Variants in ALDH3A1 observed in about 807,000 individuals in gnomAD.
The protein encoded by ALDH3A1 is aldehyde dehydrogenase, dimeric NADP-preferring.
Under a neutral mutation model 49.9 loss-of-function variants are expected in ALDH3A1, and 46 were observed. The ratio of observed to expected loss-of-function variants is 0.92; its 90% confidence interval spans 0.73 to 1.18. The LOEUF (loss-of-function observed/expected upper bound fraction) is 1.18. Among genes scored for constraint, ALDH3A1 ranks in the 50% most tolerant of loss-of-function variants. The probability of loss-of-function intolerance (pLI) is 0.00; values close to 1 mark genes in which losing one functional copy is unlikely to be tolerated. For synonymous variants in ALDH3A1, 269 were observed against 253.3 expected (o/e 1.06, Z -0.59); for missense variants, 592 against 611.8 (o/e 0.97, Z 0.34).
chr17:19,742,932 G>T, intron 3 of ALDH3A1: 2 of 1,525,020 alleles, frequency 1.3e-6, no homozygotes, highest in Non-Finnish European at 1.8e-6. Context: ...GTAGAACAGC[G>T]CTGGCCCATT....
chr17:19,740,187 G>A (rs2086464004), intron 7 of ALDH3A1, 149 bp downstream of exon 7: 1 of 1,003,610 alleles, frequency 1.0e-6, no homozygotes, highest in Non-Finnish European at 1.4e-6. Context: ...CCTGCCTGCT[G>A]GAGTCTACCG....
chr17:19,745,921 G>A (rs1457356275), intron 1 of ALDH3A1, among the ~76,000 whole-genome samples: 1 of 152,206 alleles, frequency 6.6e-6, no homozygotes, highest in Non-Finnish European at 1.5e-5. Flanking sequence ...GGGAAGTATT[G>A]TAAACATCCC....
intron 3 of ALDH3A1, 94 bp from the exon 4 acceptor site, chr17:19,742,724 G>A: frequency 6.3e-7 from 1 of 1,594,244 alleles, no homozygotes. Context: ...CCTCCATTGT[G>A]TGTCCTCGGG....
At position 19,743,460 on chromosome 17, in the gene ALDH3A1, C is replaced by A. The variant is rs778654435; in HGVS notation, c.166G>T (p.Glu56Ter). Residue 56 changes from glutamate (E) to a stop codon, truncating the protein, a stop_gained, in exon 3 of 11, where the codon GAA becomes TAA. Transcript: ENST00000225740. LOFTEE classifies it high-confidence loss of function. This position sits in a 1 kb window ranked among gnomAD's most constrained non-coding sequence, Gnocchi z 4.4. ...GALAADLHKN[E>*]WNAYYEEVVY... ...ACCTCCTCATAGTAGGCGTTCCATT[C>A]ATTCTGCAGCGACAGAGCCGGAGTG... 10 of 1,592,776 alleles carry A rather than the reference C, an allele frequency of 6.3e-6. No homozygotes were observed. Among genetic ancestry groups the A allele is most frequent in the Non-Finnish European group, 8.6e-6 (10 of 1,167,184 alleles).
intron 2 of ALDH3A1, 56 bp downstream of exon 2, chr17:19,744,912 C>CCCCCCCCCA: frequency 6.2e-6 from 7 of 1,133,134 alleles, no homozygotes; most frequent in African/African-American, 1.7e-5. Context: ...CCCCTCCCCC[C>CCCCCCCCCA]ACGCCCCATC....
At chr17:19,739,176 G>A (rs2086443902) in intron 8 of ALDH3A1, 81 bp from the exon 9 acceptor site, 1 of 1,280,210 alleles carries the variant, frequency 7.8e-7, no homozygotes, top group East Asian at 2.5e-5. Context: ...CCTGGGTATA[G>A]CCTGGAGCCA....
At position 19,742,220 on chromosome 17, in the gene ALDH3A1, G is replaced by T; in HGVS notation, c.481-8C>A. On this transcript the variant is annotated splice_polypyrimidine_tract_variant and splice_region_variant and intron_variant, in intron 4 of 10. Transcript: ENST00000225740. ...GATTACTGGGTACAGATCCTTCCAT[G>T]CAAGGAGAGAGGGGAGGCTCAGCAA... The T allele has an allele frequency of 6.2e-7, 1 of 1,613,472 alleles. No homozygotes were observed. The highest frequency in any genetic ancestry group is 8.5e-7 in the Non-Finnish European group (1 of 1,179,562).
Position 19,739,065 on chromosome 17 carries a change from T to C in ALDH3A1, c.1147A>G (p.Ser383Gly). 1 of 1,613,814 alleles carries C rather than the reference T, an allele frequency of 6.2e-7. No homozygotes were observed. The highest frequency in any genetic ancestry group is 8.5e-7 in the Non-Finnish European group (1 of 1,179,880). ...VIKKMIAETSSGGVAANDVIV... is the reference protein window; with the variant it reads ...VIKKMIAETSGGGVAANDVIV... ...ACATCGTTGGCCGCCACCCCACCAC[T>C]GGATGTCTCTGCAATCATCTTCTTA... The change falls in exon 9 of 11, where the codon AGT (serine) becomes GGT (glycine). Residue 383 changes from serine to glycine, a missense_variant. Physicochemically the swap from Ser to Gly is moderately conservative, Grantham distance 56. Coordinates refer to ENST00000225740, the MANE Select transcript of ALDH3A1 (RefSeq NM_000691.5).
chr17:19,745,001 C>G lies in ALDH3A1; in HGVS notation c.129G>C (p.Glu43Asp), dbSNP rs762182523. 4.8e-5 allele frequency: 76 copies of G among 1,589,574 alleles called. No individual in the cohort carries two copies. In the Middle Eastern group the frequency reaches 1.3e-3, roughly 27 times the overall value. Residue 43 changes from glutamate to aspartate, a missense_variant, in exon 2 of 11, where the codon GAG becomes GAC. Coordinates refer to ENST00000225740, the MANE Select transcript of ALDH3A1 (RefSeq NM_000691.5). ...GGTCTGCGGCCAGCGCGCCCACCAG[C>G]TCCTGCTCCTGCTCCTGGATCAGGC... ...LQRLIQEQEQ[E>D]LVGALAADLH...
In ALDH3A1 at chr17:19,745,148, G is replaced by C; in HGVS notation, c.-5-14C>G. ...TGCTCATGGCGCCTGGGGACAGAGA[G>C]CACCTGCAGCTGGCTGAGGGGCACG... On this transcript the variant is annotated splice_polypyrimidine_tract_variant and intron_variant, in intron 1 of 10. Coordinates refer to ENST00000225740, the MANE Select transcript of ALDH3A1 (RefSeq NM_000691.5). 6.4e-7 allele frequency: 1 copy of C among 1,554,078 alleles called. No homozygotes were observed. Among genetic ancestry groups the C allele is most frequent in the Non-Finnish European group, 8.7e-7 (1 of 1,155,634 alleles).
chr17:19,744,914 C>CCCCCCCCCCCCCCCCGG, intron 2 of ALDH3A1, 54 bp downstream of exon 2: 5 of 1,196,488 alleles, frequency 4.2e-6, no homozygotes, highest in Non-Finnish European at 3.3e-6. Context: ...CCTCCCCCCA[C>CCCCCCCCCCCCCCCCGG]GCCCCATCGC....
chr17:19,744,926 T>A, intron 2 of ALDH3A1, 42 bp downstream of exon 2: 1 of 311,926 alleles, frequency 3.2e-6, no homozygotes, highest in Non-Finnish European at 4.5e-6. Flanking sequence ...CCCCATCGCA[T>A]GGCCCCGACA....
Position 19,738,010 on chromosome 17 carries a change from T to C in ALDH3A1, c.*211A>G, listed in dbSNP as rs1460425140. 1 of 1,486,966 alleles carries C rather than the reference T, an allele frequency of 6.7e-7. No individual in the cohort carries two copies. Among genetic ancestry groups the C allele is most frequent in the East Asian group, 2.5e-5 (1 of 40,196 alleles). The allele number at this position is 1,486,966 out of a possible 1,614,324, so 92.1% of individuals were successfully genotyped here. A position where few individuals can be genotyped will look rare whatever the true frequency, so the allele number is the denominator to read the frequency against. ...TTGCTGAGTTAGAAAATTGTATTCG[T>C]CTCTTTATTGGTCTAGAAAGGGGTG... On this transcript the variant is annotated 3_prime_UTR_variant, in exon 11 of 11. Coordinates refer to ENST00000225740, the MANE Select transcript of ALDH3A1 (RefSeq NM_000691.5).
intron 1 of ALDH3A1, among the ~76,000 whole-genome samples, chr17:19,747,524 C>T (rs2152376818): frequency 6.6e-6 from 1 of 152,350 alleles, no homozygotes; most frequent in Non-Finnish European, 1.5e-5. Flanking sequence ...TGCACCCCAG[C>T]ATCGCCACTT....
Position 19,743,948 on chromosome 17 carries a change from G to A in ALDH3A1, c.163-485C>T. On this transcript the variant is annotated intron_variant, in intron 2 of 10. Coordinates refer to ENST00000225740, the MANE Select transcript of ALDH3A1 (RefSeq NM_000691.5). This position sits in a 1 kb window ranked among gnomAD's most constrained non-coding sequence, Gnocchi z 4.4. The stretch of plus-strand genomic sequence containing the variant: ...GCTGGGCGCTCAGGGCCTCCTGTGG[G>A]GAGCAGGGGTGAGAAGAGGAGATGC... 2.0e-6 allele frequency: 2 copies of A among 985,350 alleles called. No individual in the cohort carries two copies. Among genetic ancestry groups the A allele is most frequent in the Non-Finnish European group, 2.4e-6 (2 of 829,906 alleles). 61.0% of individuals were successfully genotyped at this position (985,350 alleles called of 1,614,324 possible). A position where few individuals can be genotyped will look rare whatever the true frequency, so the allele number is the denominator to read the frequency against.
At chr17:19,745,881 A>G (rs1364886964) in intron 1 of ALDH3A1, among the ~76,000 whole-genome samples, 4 of 152,268 alleles carry the variant, frequency 2.6e-5, no homozygotes, top group Non-Finnish European at 5.9e-5. Flanking sequence ...ACATTCACGA[A>G]TAAGAAAGTC....
chr17:19,742,633 G>A lies in ALDH3A1; in HGVS notation c.395-3C>T. On this transcript the variant is annotated splice_region_variant and splice_polypyrimidine_tract_variant and intron_variant, in intron 3 of 10. Coordinates refer to ENST00000225740, the MANE Select transcript of ALDH3A1 (RefSeq NM_000691.5). Reference sequence around the variant, plus strand: ...GGGCTTGAGGACCACTGAGTTCCCTGCAGAGCACACCGAGCCAGGCCTATG... The same window carrying A: ...GGGCTTGAGGACCACTGAGTTCCCTACAGAGCACACCGAGCCAGGCCTATG... 1 of 1,613,876 alleles carries A rather than the reference G, an allele frequency of 6.2e-7. No homozygotes were observed. The highest frequency in any genetic ancestry group is 1.1e-5 in the South Asian group (1 of 91,080).
chr17:19,744,941 C>G, intron 2 of ALDH3A1, 27 bp downstream of exon 2: 1 of 1,307,826 alleles, frequency 7.6e-7, no homozygotes, highest in Non-Finnish European at 1.0e-6. Flanking sequence ...CCGACACTGG[C>G]AGAAGGCGGC....
At chr17:19,738,879 G>T in intron 9 of ALDH3A1, 117 bp downstream of exon 9, 1 of 835,028 alleles carries the variant, frequency 1.2e-6, no homozygotes. Context: ...CCAAATGGAA[G>T]AGGCTAATGG....
Sources: gnomAD v4.1 joint callset for allele counts (sites outside exome capture counted in the v4.1 genomes callset) on GRCh38, gnomAD v4.1.1 for gene constraint, Gnocchi (gnomAD v3.1) non-coding constraint, MANE v1.5 for transcripts, NCBI Gene and HGNC (gene_info 2026-07-23, HGNC 2026-07-21) for gene names.